PNPLA7: variants seen among roughly 807,000 people sequenced by gnomAD.
PNPLA7 encodes patatin-like phospholipase domain-containing protein 7.
In PNPLA7, 153 loss-of-function variants were observed where a neutral mutation model predicts 161.7. The ratio of observed to expected loss-of-function variants is 0.95; its 90% CI spans 0.83 to 1.08. PNPLA7 has a LOEUF of 1.08. Ranked by LOEUF, PNPLA7 falls within the 50% of genes least tolerant of loss-of-function variation. PNPLA7 has a pLI of 0.00. For missense variants in PNPLA7, 1,739 were observed against 1,856.6 expected (o/e 0.94, Z 1.16); for synonymous variants, 809 against 782.1 (o/e 1.03, Z -0.57).
At chr9:137,471,380 C>T (rs1831695549) in intron 25 of PNPLA7, among the ~76,000 whole-genome samples, 2 of 152,112 alleles carry the variant, frequency 1.3e-5, no homozygotes, top group South Asian at 4.1e-4. Context: ...GCGGGCGGAT[C>T]ATGAGATCAG....
rs375993394 is a variant in PNPLA7, at chr9:137,515,362, C to T, written c.1225+17G>A. 24 of 1,593,908 alleles carry T rather than the reference C, an allele frequency of 1.5e-5. No homozygotes were observed. Among genetic ancestry groups the T allele is most frequent in the African/African-American group, 2.7e-5 (2 of 74,552 alleles). ...CCTGTGGGTCACACTGGCTGGGCAG[C>T]CGTCGAGGTTCTTTACCTTGTGGGG... On this transcript the variant is annotated intron_variant, in intron 12 of 34. Coordinates refer to ENST00000406427, the MANE Select transcript of PNPLA7 (RefSeq NM_001098537.3).
In PNPLA7 at chr9:137,486,010, A is replaced by G. The variant is rs911109634; in HGVS notation, c.2198-1274T>C. Among the ~76,000 whole-genome samples the G allele has an allele frequency of 1.3e-5, 2 of 150,932 alleles. No individual in the cohort carries two copies. The highest frequency in any genetic ancestry group is 2.9e-5 in the Non-Finnish European group (2 of 67,800). On this transcript the variant is annotated intron_variant, in intron 20 of 34. Transcript: ENST00000406427. This position sits in a 1 kb window ranked among gnomAD's most constrained non-coding sequence, Gnocchi z 6.0. The stretch of plus-strand genomic sequence containing the variant: ...TCCTGAGGCCACCGCGCCACCAGCC[A>G]CGCTCCTGCCCACGAGGGTCTCCTG...
chr9:137,492,533 G>T (rs1275838514), intron 20 of PNPLA7, among the ~76,000 whole-genome samples: 6 of 137,714 alleles, frequency 4.4e-5, no homozygotes, highest in Admixed American at 2.1e-4. Flanking sequence ...CCAGCACAGG[G>T]CGGGGCCATG....
chr9:137,526,479 G>A (rs1401655600), intron 8 of PNPLA7, among the ~76,000 whole-genome samples: 1 of 152,100 alleles, frequency 6.6e-6, no homozygotes, highest in Non-Finnish European at 1.5e-5. Flanking sequence ...GGGTTTCACC[G>A]TGTTAGCCAG....
At chr9:137,530,559 T>C (rs1016106274) in intron 8 of PNPLA7, among the ~76,000 whole-genome samples, 1 of 152,196 alleles carries the variant, frequency 6.6e-6, no homozygotes. Flanking sequence ...CCACGATGAC[T>C]ATCCACAGTC....
chr9:137,495,229 T>A, intron 18 of PNPLA7, 83 bp from the exon 19 acceptor site: 1 of 956,360 alleles, frequency 1.0e-6, no homozygotes, highest in Non-Finnish European at 1.6e-6. Flanking sequence ...CTCCGGTGCC[T>A]GCCAGAGCCA....
At chr9:137,501,002 T>C in intron 15 of PNPLA7, 106 bp from the exon 16 acceptor site, 2 of 957,494 alleles carry the variant, frequency 2.1e-6, no homozygotes, top group Non-Finnish European at 3.1e-6. Context: ...CGGGAGACCA[T>C]CCGCCGACCT....
intron 12 of PNPLA7, chr9:137,508,813 G>T (rs577525298): frequency 6.6e-6 from 1 of 152,086 alleles, no homozygotes; most frequent in Non-Finnish European, 1.5e-5. Flanking sequence ...AAAGTGAATA[G>T]AAAATATTTT....
intron 30 of PNPLA7, 159 bp downstream of exon 30, chr9:137,462,526 C>A: frequency 7.2e-7 from 1 of 1,392,456 alleles, no homozygotes; most frequent in Non-Finnish European, 9.5e-7. Context: ...CTCGTGCCTT[C>A]CTTCGCCCGA....
At chr9:137,522,229 C>T (rs564013948) in intron 9 of PNPLA7, among the ~76,000 whole-genome samples, 7 of 152,372 alleles carry the variant, frequency 4.6e-5, no homozygotes, top group South Asian at 2.1e-4. Context: ...CGCCCGCCAC[C>T]ACGCCTGGCT....
rs113282613 is a variant in PNPLA7 at position 137,543,455 on chromosome 9, A to C, written c.483T>G (p.Val161=). 4,206 of 1,614,064 alleles carry C rather than the reference A, an allele frequency of 2.6e-3. 106 individuals carry two copies. In the African/African-American group the frequency reaches 0.051, roughly 19 times the overall value. ...DVKNSHLPSE[V]LYMLKNVRVL... ...ACCGAACGTTTTTCAGCATGTACAG[A>C]ACTTCCGATGGCAGGTGAGAATTCT... is the stretch of plus-strand genomic sequence containing the variant. The change falls in exon 6 of 35, where the codon GTT becomes GTG. Residue 161 remains valine, a synonymous_variant. Transcript: ENST00000406427. The surrounding 1 kb of genome is among the most constrained non-coding windows in gnomAD (Gnocchi z 6.9).
chr9:137,465,983 A>T (rs1199893402), intron 26 of PNPLA7, among the ~76,000 whole-genome samples: 1 of 152,158 alleles, frequency 6.6e-6, no homozygotes, highest in African/African-American at 2.4e-5. Context: ...TCCATTTATC[A>T]CAAGGCCAGA....
Position 137,547,127 on chromosome 9 carries a change from A to G in PNPLA7, c.193+182T>C, listed in dbSNP as rs1239377226. ...CCTTGCTCAGGAGAGGAGAACAGAA[A>G]GGGCTCTGAACAGACTTGGCTTCCT... On this transcript the variant is annotated intron_variant, in intron 3 of 34. Coordinates refer to ENST00000406427, the MANE Select transcript of PNPLA7 (RefSeq NM_001098537.3). The surrounding 1 kb of genome is among the most constrained non-coding windows in gnomAD (Gnocchi z 4.6). Among the ~76,000 whole-genome samples the G allele has an allele frequency of 6.6e-6, 1 of 152,172 alleles. No individual in the cohort carries two copies. The highest frequency in any genetic ancestry group is 1.5e-5 in the Non-Finnish European group (1 of 68,016).
At chr9:137,536,886 C>T (rs1835922516) in intron 8 of PNPLA7, among the ~76,000 whole-genome samples, 1 of 147,186 alleles carries the variant, frequency 6.8e-6, no homozygotes. Flanking sequence ...GGGGGCCATC[C>T]TCTGAGCCAT....
chr9:137,550,345 G>A lies in PNPLA7; in HGVS notation c.-148C>T. The A allele has an allele frequency of 4.6e-6, 4 of 868,132 alleles. No individual in the cohort carries two copies. Among genetic ancestry groups the A allele is most frequent in the Non-Finnish European group, 7.5e-6 (4 of 532,234 alleles). 53.8% of individuals were successfully genotyped at this position (868,132 alleles called of 1,614,324 possible). ...TATGTTTCACTGAAAGGAAAATCCT[G>A]CTGAAAAAGTCTGTTCTCCAGGAAG... On this transcript the variant is annotated 5_prime_UTR_variant, in exon 1 of 35. Coordinates refer to ENST00000406427, the MANE Select transcript of PNPLA7 (RefSeq NM_001098537.3).
chr9:137,484,799 C>A, intron 20 of PNPLA7, 63 bp from the exon 21 acceptor site: 1 of 1,493,920 alleles, frequency 6.7e-7, no homozygotes. Context: ...CCTCCAGATG[C>A]CCTGGGGCCC....
At chr9:137,515,630 T>C in intron 11 of PNPLA7, 111 bp from the exon 12 acceptor site, 1 of 1,335,424 alleles carries the variant, frequency 7.5e-7, no homozygotes, top group Non-Finnish European at 9.9e-7. Flanking sequence ...CCTGCGCACC[T>C]GAACGCGCTC....
chr9:137,483,548 G>C (rs1329559720), intron 21 of PNPLA7, among the ~76,000 whole-genome samples: 2 of 152,128 alleles, frequency 1.3e-5, no homozygotes, highest in Non-Finnish European at 2.9e-5. Flanking sequence ...TCTACCTCCT[G>C]GGTTCAAGCG....
At position 137,480,872 on chromosome 9, in the gene PNPLA7, C is replaced by T; in HGVS notation, c.2411+88G>A. ...GCTGGACGAGGAGCACGCTGCAGTG[C>T]AGATGCTGGATGTGGACACAGTGGG... On this transcript the variant is annotated intron_variant, in intron 22 of 34. Coordinates refer to ENST00000406427, the MANE Select transcript of PNPLA7 (RefSeq NM_001098537.3). The T allele has an allele frequency of 5.9e-6, 8 of 1,357,864 alleles. No individual in the cohort carries two copies. The South Asian group carries it at 1.0e-4, about 17-fold the overall frequency. 84.1% of individuals were successfully genotyped at this position (1,357,864 alleles called of 1,614,324 possible). A position where few individuals can be genotyped will look rare whatever the true frequency, so the allele number is the denominator to read the frequency against.
Sources: gnomAD v4.1 joint callset for allele counts (sites outside exome capture counted in the v4.1 genomes callset) on GRCh38, gnomAD v4.1.1 for gene constraint, Gnocchi (gnomAD v3.1) non-coding constraint, MANE v1.5 for transcripts, NCBI Gene and HGNC (gene_info 2026-07-23, HGNC 2026-07-21) for gene names.